FAT1: variants seen among roughly 807,000 people sequenced by gnomAD.
The protein encoded by FAT1 is protocadherin Fat 1.
In FAT1, 171 loss-of-function variants were observed where a neutral mutation model predicts 329.8. The observed-to-expected ratio is 0.52, with a 90% confidence interval of 0.46 to 0.59. FAT1 has a LOEUF of 0.59. FAT1 is among the 20% of genes least tolerant of loss of function. FAT1 has a pLI of 0.00. For missense variants in FAT1, 5,672 were observed against 5,774.4 expected (o/e 0.98, Z 0.57); for synonymous variants, 2,233 against 2,228.6 (o/e 1.00, Z -0.06).
At chr4:186,660,270 C>T (rs937510127) in intron 3 of FAT1, among the ~76,000 whole-genome samples, 1 of 152,064 alleles carries the variant, frequency 6.6e-6, no homozygotes, top group Non-Finnish European at 1.5e-5. Context: ...TGTAAGAAGA[C>T]GAGGCATGTG....
intron 9 of FAT1, among the ~76,000 whole-genome samples, chr4:186,625,350 C>A (rs1396591757): frequency 6.6e-6 from 1 of 152,168 alleles, no homozygotes; most frequent in Admixed American, 6.5e-5. Context: ...ACACTGCAAT[C>A]ACAGGCAGTG....
At chr4:186,650,895 C>T (rs13116626) in intron 3 of FAT1, among the ~76,000 whole-genome samples, 3 of 152,048 alleles carry the variant, frequency 2.0e-5, no homozygotes, top group African/African-American at 7.2e-5. Flanking sequence ...TACCAAAGAA[C>T]TACAGGGACC....
At chr4:186,725,988 G>A (rs915063433), upstream of FAT1, among the ~76,000 whole-genome samples, 17 of 152,366 alleles carry the variant, frequency 1.1e-4, no homozygotes, top group African/African-American at 3.8e-4. The surrounding 1 kb of genome is among the most constrained non-coding windows in gnomAD (Gnocchi z 5.4). Flanking sequence ...ACCCTGCAAG[G>A]AGCGCGCCTC....
chr4:186,719,672 C>T (rs1029834580), intron 1 of FAT1, among the ~76,000 whole-genome samples: 8 of 152,190 alleles, frequency 5.3e-5, no homozygotes, highest in Admixed American at 3.9e-4. Context: ...TTGCTTAATC[C>T]TTTCGACTCT....
At chr4:186,674,136 AG>A (rs1489097607) in intron 2 of FAT1, among the ~76,000 whole-genome samples, 1 of 152,216 alleles carries the variant, frequency 6.6e-6, no homozygotes, top group African/African-American at 2.4e-5. Flanking sequence ...ACTTAGTAAA[AG>A]CTTTAATATG....
At chr4:186,628,410 T>C (rs1279134996) in intron 8 of FAT1, 46 bp from the exon 9 acceptor site, 2 of 1,609,474 alleles carry the variant, frequency 1.2e-6, no homozygotes, top group South Asian at 1.1e-5. Flanking sequence ...GCTTTCCTTA[T>C]AACTAATTAA....
chr4:186,588,769 G>A lies in FAT1; in HGVS notation c.13590C>T (p.Pro4530=), dbSNP rs142612329. ...PPGYQRHFEA[P]AVESMPMSVY... ...CAGACATGGGCATGCTCTCGACAGC[G>A]GGCGCCTCGAAGTGTCTTTGATACC... The change falls in exon 27 of 27, where the codon CCC becomes CCT. Residue 4530 remains proline, a synonymous_variant. Transcript: ENST00000441802. 413 of 1,614,018 alleles carry A rather than the reference G, an allele frequency of 2.6e-4. 1 individual carries two copies. In the African/African-American group the frequency reaches 5.1e-3, roughly 20 times the overall value.
chr4:186,604,627 C>A, intron 17 of FAT1, 53 bp from the exon 18 acceptor site: 1 of 1,195,978 alleles, frequency 8.4e-7, no homozygotes, highest in Non-Finnish European at 1.2e-6. Flanking sequence ...ACAGCCAAAT[C>A]TATATGGGAC....
intron 26 of FAT1, among the ~76,000 whole-genome samples, chr4:186,594,126 C>T (rs529299223): frequency 1.3e-5 from 2 of 151,864 alleles, no homozygotes; most frequent in African/African-American, 2.4e-5. Context: ...AGTGCAGTGG[C>T]GTGACCTCAG....
At chr4:186,593,219 T>C (rs1239866652) in intron 26 of FAT1, among the ~76,000 whole-genome samples, 19 of 152,224 alleles carry the variant, frequency 1.2e-4, no homozygotes, top group Non-Finnish European at 1.5e-5. Flanking sequence ...AAGAATGTTT[T>C]TGTCCCTGTT....
chr4:186,684,428 T>C (rs1267351769), intron 2 of FAT1, among the ~76,000 whole-genome samples: 1 of 152,138 alleles, frequency 6.6e-6, no homozygotes. Context: ...AGATTTCCTG[T>C]CGGCTCTCGT....
In FAT1 at chr4:186,619,724, A is replaced by G. The variant is rs779395870; in HGVS notation, c.6862T>C (p.Tyr2288His). The G allele has an allele frequency of 6.2e-7, 1 of 1,614,012 alleles. No homozygotes were observed. The highest frequency in any genetic ancestry group is 8.5e-7 in the Non-Finnish European group (1 of 1,179,900). ...GATGCCTCAGACAGGGTCACCGCAT[A>G]AGACTGCTGAGCAAACACAGGAGGG... ...DNPPVFAQQSYAVTLSEASVI... is the reference protein window; with the variant it reads ...DNPPVFAQQSHAVTLSEASVI... The change falls in exon 10 of 27, where the codon TAT becomes CAT. Residue 2288 changes from tyrosine to histidine, a missense_variant. Physicochemically the swap from Tyr to His is moderately conservative, Grantham distance 83 (BLOSUM62 2). Transcript: ENST00000441802.
chr4:186,691,923 C>T (rs920627161), intron 2 of FAT1, among the ~76,000 whole-genome samples: 1 of 150,894 alleles, frequency 6.6e-6, no homozygotes, highest in Admixed American at 6.6e-5. Context: ...TTTACTGTGG[C>T]TACTATTTTT....
chr4:186,632,202 C>T (rs1336560976), intron 7 of FAT1, among the ~76,000 whole-genome samples: 2 of 152,172 alleles, frequency 1.3e-5, no homozygotes, highest in Admixed American at 6.5e-5. Context: ...TCATGCTAAA[C>T]TTTTAACTGC....
chr4:186,692,300 T>G (rs1350986416), intron 2 of FAT1, among the ~76,000 whole-genome samples: 3 of 119,268 alleles, frequency 2.5e-5, no homozygotes, highest in Non-Finnish European at 5.5e-5. Context: ...AAAATACATC[T>G]TAGGTTATTT....
intron 3 of FAT1, among the ~76,000 whole-genome samples, chr4:186,645,943 C>CATAAAA (rs1288781742): frequency 2.5e-5 from 1 of 40,226 alleles, no homozygotes; most frequent in Admixed American, 3.9e-4. Context: ...GAGACTGTCT[C>CATAAAA]ACAAAAAAAA....
rs549753426 is a variant in FAT1, at chr4:186,620,720, C to G, written c.5866G>C (p.Asp1956His). 1 of 1,613,974 alleles carries G rather than the reference C, an allele frequency of 6.2e-7. No individual in the cohort carries two copies. Among genetic ancestry groups the G allele is most frequent in the South Asian group, 1.1e-5 (1 of 91,074 alleles). The change falls in exon 10 of 27, where the codon GAT becomes CAT. Residue 1956 changes from aspartate (D) to histidine (H), a missense_variant. Asp to His is a moderately conservative substitution (Grantham distance 81). This residue lies in a region of FAT1 where 3,966 missense variants were observed against 3,915.2 expected (regional missense o/e 1.01). Transcript: ENST00000441802. The stretch of plus-strand genomic sequence containing the variant: ...GAGGTAAGGCCGGCAAATCTGCCAT[C>G]GGAAGCTCTAACGGTTAGCTCGTAG... ...SRYELTVRAS[D>H]GRFAGLTSVK...
At position 186,587,836 on chromosome 4, in the gene FAT1, TG is replaced by T. The variant is rs538694494; in HGVS notation, c.*755del. 2.8e-3 allele frequency: 583 copies of T among 207,754 alleles called. 2 individuals carry two copies. The highest frequency in any genetic ancestry group is 6.6e-3 in the South Asian group (35 of 5,300). The allele number at this position is 207,754 out of a possible 1,614,324, so 12.9% of individuals were successfully genotyped here. ...ATTGTCAGTAAGAAAGACTGGCTAA[TG>T]GTAGTTTTCATTAAAAACCTTTACA... is the stretch of plus-strand genomic sequence containing the variant. On this transcript the variant is annotated 3_prime_UTR_variant, in exon 27 of 27. Coordinates refer to ENST00000441802, the MANE Select transcript of FAT1 (RefSeq NM_005245.4).
intron 2 of FAT1, among the ~76,000 whole-genome samples, chr4:186,704,943 CTTTTTTTTT>C (rs575252840): frequency 2.5e-5 from 3 of 120,654 alleles, no homozygotes; most frequent in African/African-American, 6.8e-5. Context: ...TCCAAAATAA[CTTTTTTTTT>C]TTTTTTTTTT....
Sources: gnomAD v4.1 joint callset for allele counts (sites outside exome capture counted in the v4.1 genomes callset) on GRCh38, gnomAD v4.1.1 for gene constraint, gnomAD v4.1.1 regional missense constraint, Gnocchi (gnomAD v3.1) non-coding constraint, MANE v1.5 for transcripts, NCBI Gene and HGNC (gene_info 2026-07-23, HGNC 2026-07-21) for gene names.